Variants in LRRC45 observed in about 807,000 individuals in gnomAD.
LRRC45 encodes leucine rich repeat containing 45, also known as leucine-rich repeat-containing protein 45.
LRRC45 carries 73 observed loss-of-function variants against 85.4 expected under a neutral mutation model. That is an observed-to-expected ratio of 0.85 (90% CI 0.71 to 1.04). The LOEUF (loss-of-function observed/expected upper bound fraction) is 1.04. Among genes scored for constraint, LRRC45 ranks in the 50% least tolerant of loss-of-function variants. LRRC45 has a pLI of 0.00. For missense variants in LRRC45, 937 were observed against 883.3 expected (o/e 1.06, Z -0.77); for synonymous variants, 429 against 386.0 (o/e 1.11, Z -1.31).
At chr17:82,027,570 G>A in intron 7 of LRRC45, 104 bp from the exon 8 acceptor site, 2 of 1,542,654 alleles carry the variant, frequency 1.3e-6, no homozygotes, top group Admixed American at 1.7e-5. Context: ...CAGTGCCCAG[G>A]CGACCATAGA....
In LRRC45 at chr17:82,028,689, C is replaced by T. The variant is rs1251520679; in HGVS notation, c.1308+6C>T. The T allele has an allele frequency of 1.9e-6, 3 of 1,610,126 alleles. No homozygotes were observed. Among genetic ancestry groups the T allele is most frequent in the Admixed American group, 1.7e-5 (1 of 59,742 alleles). ...AAAGCCTGCGCATCAAGGAGGTGCC[C>T]TCTTCGTTGGCCTCTAATGCGCCTC... On this transcript the variant is annotated splice_donor_region_variant and intron_variant, in intron 12 of 16. Coordinates refer to ENST00000306688, the MANE Select transcript of LRRC45 (RefSeq NM_144999.4).
rs1304767241 is a variant in LRRC45, at chr17:82,030,255, T to G, written c.1668+17T>G. On this transcript the variant is annotated intron_variant, in intron 15 of 16. Coordinates refer to ENST00000306688, the MANE Select transcript of LRRC45 (RefSeq NM_144999.4). ...CTGCAGCAGGTAGGCGGGGCTCCGG[T>G]GGGGGGCCCCGGGCGTGCTAGCCCC... The G allele has an allele frequency of 7.8e-6, 12 of 1,533,628 alleles. No individual in the cohort carries two copies. The East Asian group carries it at 3.0e-4, about 38-fold the overall frequency.
chr17:82,027,652 G>C lies in LRRC45; in HGVS notation c.834-22G>C, dbSNP rs758185633. The C allele has an allele frequency of 1.9e-6, 3 of 1,604,310 alleles. No homozygotes were observed. In the African/African-American group the frequency reaches 4.1e-5, roughly 22 times the overall value. On this transcript the variant is annotated intron_variant, in intron 7 of 16. Coordinates refer to ENST00000306688, the MANE Select transcript of LRRC45 (RefSeq NM_144999.4). ...CGCTCTGGGGTTTGGGTTACTCTCT[G>C]CACCCTCCTCTCTGCCCACAGGGCG...
chr17:82,028,187 G>A (rs761167948), intron 9 of LRRC45, 41 bp downstream of exon 9: 17 of 1,560,228 alleles, frequency 1.1e-5, no homozygotes, highest in Admixed American at 7.7e-5. Flanking sequence ...CAAGGGGTGC[G>A]TGGCGGCTTC....
intron 2 of LRRC45, 79 bp from the exon 3 acceptor site, chr17:82,024,614 A>C: frequency 6.8e-7 from 1 of 1,477,122 alleles, no homozygotes; most frequent in South Asian, 1.3e-5. Flanking sequence ...CCCCTGGCTG[A>C]CCAAGGCCCT....
intron 3 of LRRC45, 33 bp from the exon 4 acceptor site, chr17:82,024,967 C>A: frequency 6.6e-7 from 1 of 1,521,648 alleles, no homozygotes. Context: ...AGGCAGTCCC[C>A]TAGGTGAACA....
chr17:82,027,995 C>T lies in LRRC45; in HGVS notation c.912-16C>T, dbSNP rs1456911445. The T allele has an allele frequency of 4.4e-6, 7 of 1,588,346 alleles. No homozygotes were observed. The South Asian group carries it at 5.6e-5, about 13-fold the overall frequency. ...AACTCCAACCGGGGCGGGGGTGCTG[C>T]CCCTCCTTTCTGCAGGCTGCAGATG... On this transcript the variant is annotated splice_polypyrimidine_tract_variant and intron_variant, in intron 8 of 16. Coordinates refer to ENST00000306688, the MANE Select transcript of LRRC45 (RefSeq NM_144999.4).
chr17:82,023,359 G>T lies in LRRC45; in HGVS notation c.-285G>T, dbSNP rs937306167. 2.3e-5 allele frequency: 11 copies of T among 481,702 alleles called. No homozygotes were observed. The highest frequency in any genetic ancestry group is 2.3e-4 in the African/African-American group (11 of 48,588). The allele number at this position is 481,702 out of a possible 1,614,324, so 29.8% of individuals were successfully genotyped here. A position where few individuals can be genotyped will look rare whatever the true frequency, so the allele number is the denominator to read the frequency against. ...GGCTGTCGCGAGGGCGGGGGTCGGG[G>T]CTGCAGGCGGGGCAGGGCTGGGTGG... On this transcript the variant is annotated 5_prime_UTR_variant, in exon 1 of 17. Transcript: ENST00000306688.
In LRRC45 at chr17:82,028,269, C is replaced by A; in HGVS notation, c.1083C>A (p.Asp361Glu). The change falls in exon 10 of 17, where the codon GAC (aspartate) becomes GAA (glutamate). Residue 361 changes from aspartate to glutamate, a missense_variant. Coordinates refer to ENST00000306688, the MANE Select transcript of LRRC45 (RefSeq NM_144999.4). Reference sequence around the variant, plus strand: ...AGCGGGAGTCTAAACTCCTCAGAGACTTGTCTGCTGCCAATGAAAAGAACC... The same window carrying A: ...AGCGGGAGTCTAAACTCCTCAGAGAATTGTCTGCTGCCAATGAAAAGAACC... Reference protein sequence around the residue: ...AAERESKLLRDLSAANEKNLL... With the variant: ...AAERESKLLRELSAANEKNLL... 1 of 1,581,680 alleles carries A rather than the reference C, an allele frequency of 6.3e-7. No individual in the cohort carries two copies. Among genetic ancestry groups the A allele is most frequent in the Non-Finnish European group, 8.6e-7 (1 of 1,163,936 alleles).
chr17:82,029,673 G>GGCTGCCCGGCATT, intron 14 of LRRC45, 38 bp downstream of exon 14: 2 of 1,541,698 alleles, frequency 1.3e-6, no homozygotes, highest in Non-Finnish European at 1.8e-6. Flanking sequence ...GGGGGAGCCA[G>GGCTGCCCGGCATT]GCTGCCCGGC....
rs1282563287 is a variant in LRRC45, at chr17:82,025,136, C to G, written c.490C>G (p.Leu164Val). The change falls in exon 4 of 17, where the codon CTG becomes GTG. Residue 164 changes from leucine to valine, a missense_variant. By Grantham distance (32) the Leu-to-Val change is conservative (BLOSUM62 1). Coordinates refer to ENST00000306688, the MANE Select transcript of LRRC45 (RefSeq NM_144999.4). ...GATCAGTCACAAGGGCGCGGAGGAGCTGGCCCTAGCCCTGAAGGGCAACAC... is the reference window on the plus strand; with the variant it reads ...GATCAGTCACAAGGGCGCGGAGGAGGTGGCCCTAGCCCTGAAGGGCAACAC... ...NQISHKGAEE[L>V]ALALKGNTTL... is the part of the protein sequence containing the mutation. 6.2e-7 allele frequency: 1 copy of G among 1,609,992 alleles called. No homozygotes were observed. Among genetic ancestry groups the G allele is most frequent in the Admixed American group, 1.7e-5 (1 of 59,786 alleles).
rs760852593 is a variant in LRRC45 at position 82,030,413 on chromosome 17, C to A, written c.1763C>A (p.Ala588Glu). 6.5e-7 allele frequency: 1 copy of A among 1,549,336 alleles called. No homozygotes were observed. The highest frequency in any genetic ancestry group is 8.7e-7 in the Non-Finnish European group (1 of 1,147,016). The change falls in exon 16 of 17, where the codon GCG becomes GAG. Residue 588 changes from alanine to glutamate, a missense_variant. Transcript: ENST00000306688. ...AACGGCCGGCTGCAGGCGGAGCTGGCGGCTCAGGAGGCGCTGAGGGAGAAG... is the reference window on the plus strand; with the variant it reads ...AACGGCCGGCTGCAGGCGGAGCTGGAGGCTCAGGAGGCGCTGAGGGAGAAG... Reference protein sequence around the residue: ...EQNGRLQAELAAQEALREKAA... With the variant: ...EQNGRLQAELEAQEALREKAA...
intron 16 of LRRC45, 24 bp from the exon 17 acceptor site, chr17:82,030,585 C>T: frequency 1.4e-6 from 2 of 1,460,836 alleles, no homozygotes; most frequent in East Asian, 5.0e-5. Context: ...GCTGCGTCCG[C>T]TCACTGCGCT....
chr17:82,028,338 G>A lies in LRRC45; in HGVS notation c.1125+27G>A, dbSNP rs538358837. 2.4e-5 allele frequency: 38 copies of A among 1,604,100 alleles called. No individual in the cohort carries two copies. In the South Asian group the frequency reaches 3.9e-4, roughly 16 times the overall value. On this transcript the variant is annotated intron_variant, in intron 10 of 16. Transcript: ENST00000306688. ...TAGCTGTGGTGGATGGAGCCAGGGA[G>A]CCCAGGGTGGGCGCGGCAGGGCTGG...
At position 82,025,167 on chromosome 17, in the gene LRRC45, T is replaced by G; in HGVS notation, c.521T>G (p.Leu174Arg). 6.3e-7 allele frequency: 1 copy of G among 1,596,930 alleles called. No homozygotes were observed. Among genetic ancestry groups the G allele is most frequent in the Non-Finnish European group, 8.5e-7 (1 of 1,170,476 alleles). Residue 174 changes from leucine to arginine, a missense_variant, in exon 4 of 17, where the codon CTC becomes CGC. Leu to Arg is a moderately radical substitution (Grantham distance 102). Coordinates refer to ENST00000306688, the MANE Select transcript of LRRC45 (RefSeq NM_144999.4). ...CTAGCCCTGAAGGGCAACACCACCC[T>G]CCAGCAGCTGGGTGAGGCCTCCCAG... ...LALALKGNTT[L>R]QQLDLRWNNV...
rs559021565 is a variant in LRRC45 at position 82,023,456 on chromosome 17, G to A, written c.-188G>A. 1.7e-6 allele frequency: 1 copy of A among 578,104 alleles called. No individual in the cohort carries two copies. The highest frequency in any genetic ancestry group is 3.3e-5 in the Admixed American group (1 of 30,618). 35.8% of individuals were successfully genotyped at this position (578,104 alleles called of 1,614,324 possible). ...CACTGCGGGGCCCCAGCCCAAAGCG[G>A]ACCTTGACTACCGCCCAGCCCCGCG... On this transcript the variant is annotated 5_prime_UTR_variant, in exon 1 of 17. Coordinates refer to ENST00000306688, the MANE Select transcript of LRRC45 (RefSeq NM_144999.4).
rs759217884 is a variant in LRRC45, at chr17:82,023,720, A to C, written c.77A>C (p.Gln26Pro). 1.0e-5 allele frequency: 16 copies of C among 1,550,278 alleles called. No homozygotes were observed. The South Asian group carries it at 1.8e-4, about 17-fold the overall frequency. The change falls in exon 1 of 17, where the codon CAG becomes CCG. Residue 26 changes from glutamine to proline, a missense_variant. By Grantham distance (76) the Gln-to-Pro change is moderately conservative. Coordinates refer to ENST00000306688, the MANE Select transcript of LRRC45 (RefSeq NM_144999.4). ...GAEPQEAVLQ[Q>P]LHQLPRGRLD... ...GAGCCCCAGGAGGCTGTCCTGCAGC[A>C]GCTGCACCAGCTTCCCAGGGGCCGG...
chr17:82,030,612 T>C lies in LRRC45; in HGVS notation c.1820T>C (p.Met607Thr). The part of the protein sequence containing the change: ...AAALERQLKV[M>T]ASDHREALLD... ...CACTGCGCTCCTTGCCCTGCAGTGATGGCGAGCGACCACCGAGAGGCGCTG... is the reference window on the plus strand; with the variant it reads ...CACTGCGCTCCTTGCCCTGCAGTGACGGCGAGCGACCACCGAGAGGCGCTG... The change falls in exon 17 of 17, where the codon ATG becomes ACG. Residue 607 changes from methionine (M) to threonine (T), a missense_variant. Met to Thr is a moderately conservative substitution (Grantham distance 81, BLOSUM62 -1). Coordinates refer to ENST00000306688, the MANE Select transcript of LRRC45 (RefSeq NM_144999.4). 5.7e-6 allele frequency: 7 copies of C among 1,231,162 alleles called. No individual in the cohort carries two copies. Among genetic ancestry groups the C allele is most frequent in the Non-Finnish European group, 7.0e-6 (7 of 996,802 alleles). 76.3% of individuals were successfully genotyped at this position (1,231,162 alleles called of 1,614,324 possible). A position where few individuals can be genotyped will look rare whatever the true frequency, so the allele number is the denominator to read the frequency against.
In LRRC45 at chr17:82,027,697, A is replaced by T; in HGVS notation, c.857A>T (p.Gln286Leu). 1 of 1,610,914 alleles carries T rather than the reference A, an allele frequency of 6.2e-7. No individual in the cohort carries two copies. The highest frequency in any genetic ancestry group is 8.5e-7 in the Non-Finnish European group (1 of 1,179,186). Residue 286 changes from glutamine (Q) to leucine (L), a missense_variant, in exon 8 of 17, where the codon CAG becomes CTG. Physicochemically the swap from Gln to Leu is moderately radical, Grantham distance 113 (BLOSUM62 -2). Coordinates refer to ENST00000306688, the MANE Select transcript of LRRC45 (RefSeq NM_144999.4). The stretch of plus-strand genomic sequence containing the variant: ...AGGGCGTCGGCAGCCCGTGTAGGGC[A>T]GCTTCAGGAAGCCCTGAATGAGAGG... ...SSRASAARVG[Q>L]LQEALNERHS...
Sources: gnomAD v4.1 joint callset for allele counts on GRCh38, gnomAD v4.1.1 for gene constraint, MANE v1.5 for transcripts, NCBI Gene and HGNC (gene_info 2026-07-23, HGNC 2026-07-21) for gene names.